The following WDR25 variants were observed in gnomAD, a reference collection of about 807,000 sequenced individuals.
The protein encoded by WDR25 is WD repeat-containing protein 25.
Under a neutral mutation model 47.7 loss-of-function variants are expected in WDR25, and 35 were observed. The observed-to-expected ratio is 0.73, with a 90% CI of 0.56 to 0.97. WDR25 has a LOEUF of 0.97. WDR25 is among the 50% of genes least tolerant of loss of function. WDR25 has a pLI of 0.00. For synonymous variants in WDR25, 248 were observed against 278.9 expected (o/e 0.89, Z 1.10); for missense variants, 634 against 704.7 (o/e 0.90, Z 1.14).
chr14:100,528,371 C>T (rs2140398453), intron 5 of WDR25, among the ~76,000 whole-genome samples: 1 of 152,198 alleles, frequency 6.6e-6, no homozygotes, highest in East Asian at 1.9e-4. Flanking sequence ...CCCTCCAAGC[C>T]AGCATCTTCA....
chr14:100,401,283 C>A (rs1897375217), intron 2 of WDR25, among the ~76,000 whole-genome samples: 1 of 152,154 alleles, frequency 6.6e-6, no homozygotes, highest in Admixed American at 6.5e-5. Flanking sequence ...TGCCGGCCTC[C>A]TCGTGGTCTC....
intron 2 of WDR25, among the ~76,000 whole-genome samples, chr14:100,458,806 TGAA>T (rs1425350895): frequency 1.3e-5 from 2 of 152,106 alleles, no homozygotes; most frequent in African/African-American, 2.4e-5. Flanking sequence ...CGTGGGTCAA[TGAA>T]GAAACAGATA....
intron 2 of WDR25, among the ~76,000 whole-genome samples, chr14:100,418,945 C>A (rs148422018): frequency 1.3e-5 from 2 of 152,008 alleles, no homozygotes; most frequent in Non-Finnish European, 2.9e-5. Context: ...CTAGGCCGGG[C>A]GTGGTGGCTC....
At position 100,477,935 on chromosome 14, in the gene WDR25, CA is replaced by C. The variant is rs567488968; in HGVS notation, c.971-6052del. On this transcript the variant is annotated intron_variant, in intron 3 of 6. Coordinates refer to ENST00000402312, the MANE Select transcript of WDR25 (RefSeq NM_001161476.3). ...TGAAACCCCATCTCTACTAAAAATA[CA>C]AAAAAATTAGCTGGGTGTGGTAGCA... Among the ~76,000 whole-genome samples the C allele has an allele frequency of 5.0e-3, 759 of 151,950 alleles. 5 individuals carry two copies. Among genetic ancestry groups the C allele is most frequent in the Middle Eastern group, 0.02 (6 of 294 alleles).
intron 1 of WDR25, among the ~76,000 whole-genome samples, chr14:100,378,413 C>G (rs1896784822): frequency 6.6e-6 from 1 of 152,132 alleles, no homozygotes; most frequent in Non-Finnish European, 1.5e-5. Context: ...GTGATCCGCC[C>G]ACCTCGGCCT....
chr14:100,457,222 T>C (rs1899234142), intron 2 of WDR25, among the ~76,000 whole-genome samples: 1 of 152,202 alleles, frequency 6.6e-6, no homozygotes, highest in South Asian at 2.1e-4. Context: ...CCCAAAGTGC[T>C]GGGATTACAG....
Position 100,468,072 on chromosome 14 carries a change from A to T in WDR25, c.874A>T (p.Thr292Ser). Residue 292 changes from threonine to serine, a missense_variant, in exon 3 of 7, where the codon ACA becomes TCA. Coordinates refer to ENST00000402312, the MANE Select transcript of WDR25 (RefSeq NM_001161476.3). This position sits in a 1 kb window ranked among gnomAD's most constrained non-coding sequence, Gnocchi z 4.5. The stretch of plus-strand genomic sequence containing the variant: ...CTGCCTGCAGACCTACTCCCTGCAC[A>T]CAGAGGCAGTGCGGGCCGCCCGGTG... The part of the protein sequence containing the change: ...GHCLQTYSLH[T>S]EAVRAARWAP... 4 of 1,613,588 alleles carry T rather than the reference A, an allele frequency of 2.5e-6. No homozygotes were observed. The highest frequency in any genetic ancestry group is 3.4e-6 in the Non-Finnish European group (4 of 1,180,024).
At chr14:100,398,654 T>C (rs1224132941) in intron 2 of WDR25, among the ~76,000 whole-genome samples, 1 of 150,568 alleles carries the variant, frequency 6.6e-6, no homozygotes, top group South Asian at 2.1e-4. Context: ...AACTATGGAC[T>C]TTATTTGCAT....
chr14:100,456,420 A>C (rs546181127), intron 2 of WDR25, among the ~76,000 whole-genome samples: 9 of 152,356 alleles, frequency 5.9e-5, no homozygotes, highest in African/African-American at 2.2e-4. Flanking sequence ...AAAATCAGTC[A>C]ATAGATACAG....
intron 2 of WDR25, among the ~76,000 whole-genome samples, chr14:100,456,586 G>C (rs1471262402): frequency 6.6e-6 from 1 of 152,194 alleles, no homozygotes; most frequent in Admixed American, 6.5e-5. Flanking sequence ...GACTTCTAGA[G>C]ATGAAACAAA....
At chr14:100,403,612 C>T (rs1331802458) in intron 2 of WDR25, among the ~76,000 whole-genome samples, 3 of 152,206 alleles carry the variant, frequency 2.0e-5, no homozygotes, top group African/African-American at 7.2e-5. Flanking sequence ...ACAGATACAG[C>T]AACTCTGGTT....
At chr14:100,398,852 GC>G (rs1897315238) in intron 2 of WDR25, among the ~76,000 whole-genome samples, 1 of 150,768 alleles carries the variant, frequency 6.6e-6, no homozygotes, top group Non-Finnish European at 1.5e-5. Flanking sequence ...AGCAAACCCT[GC>G]ACATCCTGGC....
At chr14:100,436,617 T>C (rs1898506959) in intron 2 of WDR25, among the ~76,000 whole-genome samples, 1 of 152,196 alleles carries the variant, frequency 6.6e-6, no homozygotes, top group African/African-American at 2.4e-5. Flanking sequence ...CCAGGTAGCC[T>C]CTGAGTCAGG....
intron 2 of WDR25, among the ~76,000 whole-genome samples, chr14:100,448,957 A>T (rs1405063771): frequency 1.3e-5 from 2 of 151,858 alleles, no homozygotes; most frequent in Non-Finnish European, 2.9e-5. Flanking sequence ...GGCATATGTA[A>T]GGCTGGAGGT....
chr14:100,434,641 C>G (rs373017185), intron 2 of WDR25, among the ~76,000 whole-genome samples: 1 of 152,100 alleles, frequency 6.6e-6, no homozygotes. Flanking sequence ...ATTTTCTCTT[C>G]CCTCCCTTTT....
intron 4 of WDR25, among the ~76,000 whole-genome samples, chr14:100,515,633 TTAG>T (rs1401949098): frequency 6.6e-6 from 1 of 151,906 alleles, no homozygotes; most frequent in African/African-American, 2.4e-5. Context: ...CTATTTATTA[TTAG>T]TATTATTTTT....
At chr14:100,512,083 T>G (rs1297746418) in intron 4 of WDR25, among the ~76,000 whole-genome samples, 1 of 152,120 alleles carries the variant, frequency 6.6e-6, no homozygotes, top group Non-Finnish European at 1.5e-5. Context: ...TATCTTTGTA[T>G]GGGTTTGGTA....
At chr14:100,515,194 T>TGTTTCTTAGGCTTTGTTTA (rs1466653346) in intron 4 of WDR25, among the ~76,000 whole-genome samples, 1 of 152,198 alleles carries the variant, frequency 6.6e-6, no homozygotes, top group African/African-American at 2.4e-5. Flanking sequence ...TTTTTCTCTA[T>TGTTTCTTAGGCTTTGTTTA]GTTTCTTAGG....
intron 4 of WDR25, among the ~76,000 whole-genome samples, chr14:100,517,822 C>T (rs1423609650): frequency 6.6e-6 from 1 of 152,170 alleles, no homozygotes; most frequent in East Asian, 1.9e-4. Context: ...GCAGCCTGGG[C>T]AACAGAGCAA....
Sources: gnomAD v4.1 joint callset for allele counts (sites outside exome capture counted in the v4.1 genomes callset) on GRCh38, gnomAD v4.1.1 for gene constraint, Gnocchi (gnomAD v3.1) non-coding constraint, MANE v1.5 for transcripts, NCBI Gene and HGNC (gene_info 2026-07-23, HGNC 2026-07-21) for gene names.